Variants in INVS observed in about 807,000 individuals in gnomAD.
INVS encodes the protein inversion of embryo turning homolog.
In INVS, 86 loss-of-function variants were observed where a neutral mutation model predicts 108.8. That is an observed-to-expected ratio of 0.79 (90% confidence interval 0.66 to 0.95). INVS has a LOEUF of 0.95. Among genes scored for constraint, INVS ranks in the 40% least tolerant of loss-of-function variants. The pLI, the probability that INVS is intolerant of heterozygous loss-of-function variation, is 0.00. For synonymous variants in INVS, 455 were observed against 473.5 expected (o/e 0.96, Z 0.51); for missense variants, 1,169 against 1,297.4 (o/e 0.90, Z 1.52).
intron 3 of INVS, among the ~76,000 whole-genome samples, chr9:100,201,680 A>G (rs1830536413): frequency 6.6e-6 from 1 of 152,246 alleles, no homozygotes; most frequent in Non-Finnish European, 1.5e-5. Context: ...ATAAGACTGG[A>G]AGCCAGAATT....
intron 3 of INVS, among the ~76,000 whole-genome samples, chr9:100,136,959 G>C (rs1828245482): frequency 1.3e-5 from 2 of 152,054 alleles, no homozygotes; most frequent in South Asian, 2.1e-4. Flanking sequence ...AGAATCACTT[G>C]AACTCAGGAA....
chr9:100,122,732 T>C lies in INVS; in HGVS notation c.107-3651T>C, dbSNP rs1025789423. On this transcript the variant is annotated intron_variant, in intron 2 of 16. Transcript: ENST00000262457. The stretch of plus-strand genomic sequence containing the variant: ...CAAGGTGGCTGGGACTACAGGCACC[T>C]GCCACCACACCCAGCTAATTTTTTC... 4.0e-5 allele frequency among the ~76,000 whole-genome samples: 6 copies of C among 151,864 alleles called. No individual in the cohort carries two copies. The East Asian group carries it at 1.2e-3, about 29-fold the overall frequency.
chr9:100,156,772 T>C (rs1829000496), intron 3 of INVS, among the ~76,000 whole-genome samples: 1 of 152,116 alleles, frequency 6.6e-6, no homozygotes, highest in Non-Finnish European at 1.5e-5. Flanking sequence ...CCTCTTTTTC[T>C]TCTAATATAT....
intron 16 of INVS, among the ~76,000 whole-genome samples, chr9:100,299,709 A>G (rs1378020487): frequency 2.6e-5 from 4 of 151,478 alleles, no homozygotes; most frequent in Non-Finnish European, 5.9e-5. Flanking sequence ...ACAATAAAAG[A>G]AAAGAACTCC....
chr9:100,225,749 A>G (rs1296832203), intron 3 of INVS, among the ~76,000 whole-genome samples: 1 of 142,248 alleles, frequency 7.0e-6, no homozygotes, highest in Non-Finnish European at 1.5e-5. Flanking sequence ...AGCATTTACT[A>G]CAAAAAAAAT....
intron 2 of INVS, among the ~76,000 whole-genome samples, chr9:100,110,724 A>G (rs1279733527): frequency 6.6e-6 from 1 of 152,218 alleles, no homozygotes; most frequent in Non-Finnish European, 1.5e-5. Flanking sequence ...AAGTTGAGAC[A>G]TAACAATATT....
Position 100,100,667 on chromosome 9 carries a change from T to TA in INVS, c.-25+1252dup, listed in dbSNP as rs1471564024. 3.4e-4 allele frequency among the ~76,000 whole-genome samples: 8 copies of TA among 23,424 alleles called. 2 individuals are homozygous for TA. The African/African-American group carries it at 3.4e-3, about 10-fold the overall frequency. 15.4% of individuals were successfully genotyped at this position (23,424 alleles called of 152,430 possible). A position where few individuals can be genotyped will look rare whatever the true frequency, so the allele number is the denominator to read the frequency against. Reference sequence around the variant, plus strand: ...ATATGTATATATAATATATATATTATATATGTACATATAATATATATATTA... The same window carrying TA: ...ATATGTATATATAATATATATATTATAATATGTACATATAATATATATATTA... On this transcript the variant is annotated intron_variant, in intron 1 of 16. Transcript: ENST00000262457.
intron 4 of INVS, among the ~76,000 whole-genome samples, chr9:100,227,002 C>T (rs1213487698): frequency 2.6e-5 from 4 of 152,106 alleles, no homozygotes; most frequent in Non-Finnish European, 5.9e-5. Context: ...ACCCAGAATC[C>T]ACTACTTAAC....
At chr9:100,206,736 TAA>T (rs879603977) in intron 3 of INVS, among the ~76,000 whole-genome samples, 2 of 145,542 alleles carry the variant, frequency 1.4e-5, no homozygotes, top group South Asian at 2.2e-4. Flanking sequence ...GTCATCTATT[TAA>T]AAAAAAAAAA....
rs866430853 is a variant in INVS at position 100,100,773 on chromosome 9, T to C, written c.-25+1357T>C. Among the ~76,000 whole-genome samples the C allele has an allele frequency of 0.01, 124 of 12,150 alleles. 14 individuals carry two copies. In the East Asian group the frequency reaches 0.18, roughly 18 times the overall value. The allele number at this position is 12,150 out of a possible 152,430, so 8.0% of individuals were successfully genotyped here. On this transcript the variant is annotated intron_variant, in intron 1 of 16. Transcript: ENST00000262457. ...ACATATAATATATATAATATATGTA[T>C]ATATAATATATATTATATATATAAT...
chr9:100,152,576 T>C (rs769865168), intron 3 of INVS, among the ~76,000 whole-genome samples: 11 of 152,210 alleles, frequency 7.2e-5, no homozygotes, highest in South Asian at 2.1e-4. Context: ...TTGCTCACCA[T>C]TCCAATTCTG....
rs775844151 is a variant in INVS, at chr9:100,141,906, AT to A, written c.273+15361del. ...TGGGCCTGTGAGGCTGGAAGGAGAT[AT>A]TTTCCTTGGTCTAAGAACCATTTGC... is the stretch of plus-strand genomic sequence containing the variant. On this transcript the variant is annotated intron_variant, in intron 3 of 16. Coordinates refer to ENST00000262457, the MANE Select transcript of INVS (RefSeq NM_014425.5). 8.5e-4 allele frequency among the ~76,000 whole-genome samples: 129 copies of A among 152,242 alleles called. 1 individual carries two copies. The highest frequency in any genetic ancestry group is 1.9e-3 in the East Asian group (10 of 5,182).
intron 7 of INVS, among the ~76,000 whole-genome samples, chr9:100,243,129 T>C (rs1158658851): frequency 6.6e-6 from 1 of 152,226 alleles, no homozygotes; most frequent in Non-Finnish European, 1.5e-5. Context: ...ACTGTAAGAA[T>C]ACTTCATCTT....
intron 11 of INVS, among the ~76,000 whole-genome samples, chr9:100,272,256 A>G (rs1832981375): frequency 6.6e-6 from 1 of 152,022 alleles, no homozygotes; most frequent in Non-Finnish European, 1.5e-5. Flanking sequence ...TGGTACTTTC[A>G]TGGTTCCTTT....
chr9:100,104,917 CG>C (rs935122574), intron 2 of INVS, among the ~76,000 whole-genome samples: 25 of 152,004 alleles, frequency 1.6e-4, no homozygotes, highest in Admixed American at 4.6e-4. Context: ...TAACAGATCT[CG>C]AATGAAACAG....
Position 100,126,496 on chromosome 9 carries a change from G to A in INVS, c.220G>A (p.Val74Met). ...TGCTCTTCTGAAGGCAGGAGCAGAT[G>A]TGAATAAAACTGACCATAGCCAGAG... is the stretch of plus-strand genomic sequence containing the variant. ...ADALLKAGAD[V>M]NKTDHSQRTA... Residue 74 changes from valine to methionine, a missense_variant, in exon 3 of 17, where the codon GTG becomes ATG. Coordinates refer to ENST00000262457, the MANE Select transcript of INVS (RefSeq NM_014425.5). The A allele has an allele frequency of 6.2e-7, 1 of 1,614,184 alleles. No individual in the cohort carries two copies. Among genetic ancestry groups the A allele is most frequent in the Non-Finnish European group, 8.5e-7 (1 of 1,180,022 alleles).
intron 12 of INVS, among the ~76,000 whole-genome samples, chr9:100,277,488 T>C (rs1274166282): frequency 6.6e-6 from 1 of 152,216 alleles, no homozygotes; most frequent in Non-Finnish European, 1.5e-5. Flanking sequence ...GAGGTTTTCT[T>C]AATTCAAGAT....
chr9:100,163,181 T>TA lies in INVS; in HGVS notation c.273+36632_273+36633insA, dbSNP rs1452901706. Among the ~76,000 whole-genome samples the TA allele has an allele frequency of 5.1e-3, 624 of 121,804 alleles. 1 individual carries two copies. The highest frequency in any genetic ancestry group is 0.01 in the African/African-American group (281 of 27,998). 79.9% of individuals were successfully genotyped at this position (121,804 alleles called of 152,430 possible). ...TAACTTTTACCCTAACTTGATGTTC[T>TA]TTCTATTTTTTTTTTTTTTTTTTTA... On this transcript the variant is annotated intron_variant, in intron 3 of 16. Transcript: ENST00000262457.
At chr9:100,221,305 ATT>A (rs67905235) in intron 3 of INVS, among the ~76,000 whole-genome samples, 10 of 145,422 alleles carry the variant, frequency 6.9e-5, no homozygotes, top group Non-Finnish European at 7.5e-5. Context: ...ATACAGGACA[ATT>A]TTTTTTTTTT....
Sources: gnomAD v4.1 joint callset for allele counts (sites outside exome capture counted in the v4.1 genomes callset) on GRCh38, gnomAD v4.1.1 for gene constraint, MANE v1.5 for transcripts, NCBI Gene and HGNC (gene_info 2026-07-23, HGNC 2026-07-21) for gene names.